Variants in RAF1 observed in about 807,000 individuals in gnomAD.
RAF1 encodes Raf-1 proto-oncogene, serine/threonine kinase, also known as RAF proto-oncogene serine/threonine-protein kinase.
In RAF1, 27 loss-of-function variants were observed where a neutral mutation model predicts 81.1. That is an observed-to-expected ratio of 0.33 (90% CI 0.25 to 0.46). The LOEUF is 0.46. Ranked by LOEUF, RAF1 falls within the 20% of genes least tolerant of loss-of-function variation. The pLI is 1.00. For missense variants in RAF1, 598 were observed against 826.0 expected (o/e 0.72, Z 3.38); for synonymous variants, 298 against 294.0 (o/e 1.01, Z -0.14).
intron 8 of RAF1, among the ~76,000 whole-genome samples, chr3:12,600,951 C>T (rs545186872): frequency 1.3e-5 from 2 of 152,328 alleles, no homozygotes; most frequent in African/African-American, 4.8e-5. Context: ...TCAAGGGAAG[C>T]TAGCAAAGTT....
intron 1 of RAF1, among the ~76,000 whole-genome samples, chr3:12,632,960 C>T (rs1212473972): frequency 1.3e-5 from 2 of 152,196 alleles, no homozygotes; most frequent in Non-Finnish European, 2.9e-5. Flanking sequence ...GCAAACTACA[C>T]TTACTGAATC....
intron 13 of RAF1, 200 bp from the exon 13 acceptor site, chr3:12,587,837 C>CTTTTTTTTTTTTTTTTTTTTTTTTTTTTT (rs374515740): frequency 5.3e-6 from 1 of 188,432 alleles, no homozygotes; most frequent in African/African-American, 3.2e-5. Context: ...ATGCTTACAC[C>CTTTTTTTTTTTTTTTTTTTTTTTTTTTTT]TTTTTTTTTT....
chr3:12,653,259 G>A (rs1393648201), intron 1 of RAF1, among the ~76,000 whole-genome samples: 1 of 152,180 alleles, frequency 6.6e-6, no homozygotes, highest in Admixed American at 6.6e-5. Flanking sequence ...TCCAGCCTGG[G>A]TGACAGAGTG....
chr3:12,662,338 T>TAAAA (rs61275660), intron 1 of RAF1, among the ~76,000 whole-genome samples: 7 of 100,910 alleles, frequency 6.9e-5, no homozygotes, highest in Non-Finnish European at 1.2e-4. Context: ...CCTGTTCCTT[T>TAAAA]AAAAAAAAAA....
rs1360146626 is a variant in RAF1, at chr3:12,583,743, TGATGTGACTA to T, written c.*761_*770del. 4.3e-6 allele frequency: 1 copy of T among 233,280 alleles called. No individual in the cohort carries two copies. The highest frequency in any genetic ancestry group is 8.5e-6 in the Non-Finnish European group (1 of 118,046). The allele number at this position is 233,280 out of a possible 1,614,324, so 14.5% of individuals were successfully genotyped here. Reference sequence around the variant, plus strand: ...TATTCCTGGCTTCCTTGTATACACATGATGTGACTAGAGAAACAAGGCTGTTTGTTTGTTT... The same window carrying T: ...TATTCCTGGCTTCCTTGTATACACATGAGAAACAAGGCTGTTTGTTTGTTT... On this transcript the variant is annotated 3_prime_UTR_variant, in exon 18 of 18. Transcript: ENST00000442415.
In RAF1 at chr3:12,610,201, C is replaced by A. The variant is rs113740238; in HGVS notation, c.321-866G>T. Among the ~76,000 whole-genome samples, 295 of 152,258 alleles carry A rather than the reference C, an allele frequency of 1.9e-3. 1 individual carries two copies. Among genetic ancestry groups the A allele is most frequent in the Non-Finnish European group, 2.8e-3 (189 of 68,022 alleles). ...GCCCATTTTCCAAAGGAAGAATATT[C>A]TCAGGTAAAGAGAAAATAACATGTA... On this transcript the variant is annotated intron_variant, in intron 3 of 17. Transcript: ENST00000442415.
chr3:12,648,243 T>C (rs575624579), intron 1 of RAF1, among the ~76,000 whole-genome samples: 2 of 144,508 alleles, frequency 1.4e-5, no homozygotes, highest in South Asian at 2.1e-4. Context: ...AAATAAAATA[T>C]GGTTTAGGAA....
chr3:12,660,357 C>T (rs1348079419), intron 1 of RAF1, among the ~76,000 whole-genome samples: 2 of 151,840 alleles, frequency 1.3e-5, no homozygotes, highest in Admixed American at 6.6e-5. Flanking sequence ...AGTACAGTGG[C>T]ATGAACATGG....
chr3:12,608,452 A>G, intron 5 of RAF1: 1 of 380,996 alleles, frequency 2.6e-6, no homozygotes, highest in Non-Finnish European at 5.0e-6. Context: ...AGATAATACT[A>G]TTAAGAGCGA....
At position 12,584,283 on chromosome 3, in the gene RAF1, TG is replaced by T; in HGVS notation, c.*230del. ...AAGGCTGGGCCTTGAGCATGGGGAA[TG>T]TGGGGAGGGAGCAGGACACACCAGC... On this transcript the variant is annotated 3_prime_UTR_variant, in exon 18 of 18. Transcript: ENST00000442415. 1.8e-6 allele frequency: 1 copy of T among 564,730 alleles called. No individual in the cohort carries two copies. The highest frequency in any genetic ancestry group is 3.0e-5 in the East Asian group (1 of 33,068). 35.0% of individuals were successfully genotyped at this position (564,730 alleles called of 1,614,324 possible).
At chr3:12,609,419 G>T in intron 3 of RAF1, 84 bp from the exon 4 acceptor site, 1 of 882,062 alleles carries the variant, frequency 1.1e-6, no homozygotes, top group Admixed American at 1.8e-5. Context: ...TTTATCACAT[G>T]CCATATAAAC....
At chr3:12,645,041 G>A (rs746047407) in intron 1 of RAF1, among the ~76,000 whole-genome samples, 4 of 145,750 alleles carry the variant, frequency 2.7e-5, no homozygotes, top group African/African-American at 5.2e-5. Flanking sequence ...GGAGGTTGCA[G>A]TGAGCCAAGA....
At chr3:12,636,645 A>T (rs2060041115) in intron 1 of RAF1, among the ~76,000 whole-genome samples, 1 of 151,894 alleles carries the variant, frequency 6.6e-6, no homozygotes, top group South Asian at 2.1e-4. Flanking sequence ...CTTCTCTACA[A>T]AAAATACAAA....
rs1428468036 is a variant in RAF1 at position 12,631,467 on chromosome 3, C to A, written c.-26-12720G>T. 2.0e-5 allele frequency among the ~76,000 whole-genome samples: 3 copies of A among 151,992 alleles called. No homozygotes were observed. In the South Asian group the frequency reaches 6.2e-4, roughly 32 times the overall value. ...CGAAAAAATTAGCCGGGCGTGGTGG[C>A]GGGCGCCTGTAGCCCCAGCTTCTCG... On this transcript the variant is annotated intron_variant, in intron 1 of 17. Coordinates refer to ENST00000442415, the MANE Select transcript of RAF1 (RefSeq NM_001354689.3).
intron 3 of RAF1, among the ~76,000 whole-genome samples, chr3:12,610,764 A>C (rs924559254): frequency 6.6e-6 from 1 of 152,188 alleles, no homozygotes; most frequent in Non-Finnish European, 1.5e-5. Flanking sequence ...TTCCAAGAAG[A>C]GGGTAAAAAA....
chr3:12,630,764 A>C (rs2059836273), intron 1 of RAF1, among the ~76,000 whole-genome samples: 1 of 152,114 alleles, frequency 6.6e-6, no homozygotes, highest in African/African-American at 2.4e-5. Flanking sequence ...AAGCCACTGA[A>C]AGGTCTTGAG....
At chr3:12,593,091 CT>C (rs2058570752) in intron 11 of RAF1, among the ~76,000 whole-genome samples, 1 of 126,400 alleles carries the variant, frequency 7.9e-6, no homozygotes, top group Non-Finnish European at 1.7e-5. Context: ...AGCCTTCCTC[CT>C]TCCTTTTTTT....
intron 1 of RAF1, among the ~76,000 whole-genome samples, chr3:12,652,168 A>G (rs748693935): frequency 2.7e-5 from 4 of 145,840 alleles, no homozygotes; most frequent in Non-Finnish European, 4.5e-5. Context: ...GTAAGCCAAC[A>G]TCATGCCACT....
intron 13 of RAF1, chr3:12,590,052 G>A (rs895645518): frequency 2.6e-5 from 4 of 151,860 alleles, no homozygotes; most frequent in African/African-American, 9.7e-5. Context: ...GCCTCCCAAA[G>A]TGCTGGGATT....
Sources: allele counts gnomAD v4.1 joint callset (sites outside exome capture counted in the v4.1 genomes callset), GRCh38; gene constraint gnomAD v4.1.1; transcripts MANE v1.5; gene names NCBI Gene and HGNC (gene_info 2026-07-23, HGNC 2026-07-21).